TENM2: variants seen among roughly 807,000 people sequenced by gnomAD.
TENM2 encodes teneurin transmembrane protein 2.
In TENM2, 52 loss-of-function variants were observed where a neutral mutation model predicts 245.2. The ratio of observed to expected loss-of-function variants is 0.21; its 90% CI spans 0.17 to 0.27. TENM2 has a LOEUF of 0.27. TENM2 is among the 10% of genes least tolerant of loss of function. The pLI, the probability that TENM2 is intolerant of heterozygous loss-of-function variation, is 1.00. For missense variants in TENM2, 3,046 were observed against 3,666.8 expected, an observed-to-expected ratio of 0.83 and a Z score of 4.37; for synonymous variants, 1,363 against 1,438.9, an observed-to-expected ratio of 0.95 and a Z score of 1.19.
chr5:168,171,226 G>A (rs912127100), intron 13 of TENM2, among the ~76,000 whole-genome samples: 3 of 152,094 alleles, frequency 2.0e-5, no homozygotes, highest in Non-Finnish European at 2.9e-5. Flanking sequence ...ATTTTCTCAC[G>A]CTGTTATTCT....
intron 12 of TENM2, among the ~76,000 whole-genome samples, chr5:168,148,775 G>T (rs925447242): frequency 2.6e-5 from 4 of 152,090 alleles, no homozygotes; most frequent in Admixed American, 2.0e-4. Flanking sequence ...CTATGAGGTC[G>T]TTTGACACTT....
chr5:167,008,192 A>C, the TENM2 span, among the ~76,000 whole-genome samples: 1 of 152,208 alleles, frequency 6.6e-6, no homozygotes, highest in South Asian at 2.1e-4. Flanking sequence ...GGATTTCTGT[A>C]GTTTATATTT....
chr5:167,978,958 GA>G (rs961665726), intron 4 of TENM2, among the ~76,000 whole-genome samples: 1 of 151,672 alleles, frequency 6.6e-6, no homozygotes, highest in African/African-American at 2.4e-5. Flanking sequence ...AAGGTGCCAG[GA>G]AAAAAAATGT....
intron 2 of TENM2, among the ~76,000 whole-genome samples, chr5:167,767,076 A>G (rs1763078994): frequency 6.6e-6 from 1 of 152,190 alleles, no homozygotes. Flanking sequence ...AAGAGCAAAG[A>G]CTCAGACAGA....
chr5:167,490,463 CATTTGCA>C (rs1768359830), intron 2 of TENM2, among the ~76,000 whole-genome samples: 1 of 152,048 alleles, frequency 6.6e-6, no homozygotes, highest in South Asian at 2.1e-4. Flanking sequence ...CCTCATTTGT[CATTTGCA>C]TGTCTTCTTT....
At chr5:167,043,796 G>C in the TENM2 span, among the ~76,000 whole-genome samples, 1,572 of 152,186 alleles carry the variant, frequency 0.01, 29 homozygotes, top group African/African-American at 0.036. Context: ...ATCCGAGGTG[G>C]GCGGATCACA....
At chr5:167,858,527 G>T (rs1771298972) in intron 2 of TENM2, among the ~76,000 whole-genome samples, 1 of 152,162 alleles carries the variant, frequency 6.6e-6, no homozygotes, top group African/African-American at 2.4e-5. Context: ...ATGATTATTT[G>T]AAAACAACGT....
intron 2 of TENM2, among the ~76,000 whole-genome samples, chr5:167,872,532 G>C (rs1329250928): frequency 2.0e-5 from 1 of 51,098 alleles, no homozygotes; most frequent in East Asian, 3.7e-4. Context: ...AAGAAAGAAA[G>C]AAAGAAAGAA....
intron 2 of TENM2, among the ~76,000 whole-genome samples, chr5:167,414,915 T>C (rs938210556): frequency 6.6e-6 from 1 of 152,172 alleles, no homozygotes; most frequent in African/African-American, 2.4e-5. Flanking sequence ...CATAATTTGC[T>C]TGGGAAATAT....
chr5:167,296,698 C>T (rs1267111395), intron 1 of TENM2, among the ~76,000 whole-genome samples: 1 of 152,216 alleles, frequency 6.6e-6, no homozygotes, highest in Non-Finnish European at 1.5e-5. Context: ...CTGGCGGCAG[C>T]TTTGGGTTCA....
intron 3 of TENM2, among the ~76,000 whole-genome samples, chr5:167,935,891 AT>A (rs936436358): frequency 6.0e-5 from 9 of 150,000 alleles, no homozygotes; most frequent in South Asian, 2.1e-4. Context: ...AACAGGTATG[AT>A]TTTTTTTTTC....
intron 2 of TENM2, among the ~76,000 whole-genome samples, chr5:167,770,309 C>T (rs1205519028): frequency 6.6e-6 from 1 of 152,066 alleles, no homozygotes; most frequent in Non-Finnish European, 1.5e-5. Flanking sequence ...ATATACATGA[C>T]TCTATGGCAA....
chr5:168,257,002 A>C (rs1011386535), intron 27 of TENM2, among the ~76,000 whole-genome samples: 31 of 152,192 alleles, frequency 2.0e-4, no homozygotes, highest in Non-Finnish European at 4.3e-4. Context: ...AGCTCTTGCC[A>C]CATATGTCCT....
At chr5:167,329,609 TTAA>T (rs1177999700) in intron 1 of TENM2, among the ~76,000 whole-genome samples, 1 of 150,814 alleles carries the variant, frequency 6.6e-6, no homozygotes, top group African/African-American at 2.4e-5. Flanking sequence ...TACGTTTTTG[TTAA>T]TAATTTTGGA....
intron 4 of TENM2, among the ~76,000 whole-genome samples, chr5:167,971,742 C>CA (rs1405064877): frequency 1.6e-4 from 25 of 151,556 alleles, no homozygotes; most frequent in East Asian, 1.4e-3. Flanking sequence ...AAAACAAAAA[C>CA]AAAAAAAACC....
chr5:167,998,500 A>C (rs1263631588), intron 5 of TENM2, among the ~76,000 whole-genome samples: 1 of 152,230 alleles, frequency 6.6e-6, no homozygotes, highest in East Asian at 1.9e-4. Flanking sequence ...TCAACACAAG[A>C]GTTCGGCATG....
chr5:167,210,532 C>T, the TENM2 span, among the ~76,000 whole-genome samples: 83 of 146,710 alleles, frequency 5.7e-4, no homozygotes, highest in South Asian at 3.5e-3. Flanking sequence ...GGCGCAATCT[C>T]GGCTCACTGC....
At chr5:167,580,397 G>A (rs1319955637) in intron 2 of TENM2, among the ~76,000 whole-genome samples, 1 of 152,214 alleles carries the variant, frequency 6.6e-6, no homozygotes, top group Non-Finnish European at 1.5e-5. Flanking sequence ...CATATATGCT[G>A]TTGAGAACAG....
intron 10 of TENM2, among the ~76,000 whole-genome samples, chr5:168,122,169 G>T (rs1345792714): frequency 7.3e-6 from 1 of 136,342 alleles, no homozygotes; most frequent in African/African-American, 2.7e-5. Context: ...ACAGACCTTT[G>T]TCTTTTTTGT....
Sources: allele counts gnomAD v4.1 joint callset (sites outside exome capture counted in the v4.1 genomes callset), GRCh38; gene constraint gnomAD v4.1.1; transcripts MANE v1.5; gene names NCBI Gene and HGNC (gene_info 2026-07-23, HGNC 2026-07-21).